Variants in RAB38 observed in about 807,000 individuals in gnomAD.
The protein encoded by RAB38 is RAB38, member RAS oncogene family, also known as ras-related protein Rab-38.
Under a neutral mutation model 18.4 loss-of-function variants are expected in RAB38, and 15 were observed. That is an observed-to-expected ratio of 0.82 (90% CI 0.55 to 1.26). RAB38 has a LOEUF of 1.26. Among genes scored for constraint, RAB38 ranks in the 50% most tolerant of loss-of-function variants. The pLI, the probability that RAB38 is intolerant of heterozygous loss-of-function variation, is 0.00. For missense variants in RAB38, 294 were observed against 267.4 expected, an observed-to-expected ratio of 1.10 and a Z score of -0.69; for synonymous variants, 101 against 104.4, an observed-to-expected ratio of 0.97 and a Z score of 0.20.
At chr11:88,173,962 T>C in intron 1 of RAB38, 1 of 985,428 alleles carries the variant, frequency 1.0e-6, no homozygotes, top group Non-Finnish European at 1.2e-6. Flanking sequence ...GAGTTTCCAA[T>C]CAAATGCATC....
the RAB38 span, among the ~76,000 whole-genome samples, chr11:87,817,864 G>T: frequency 6.6e-6 from 1 of 152,096 alleles, no homozygotes; most frequent in Non-Finnish European, 1.5e-5. Flanking sequence ...GAGGCAAAAA[G>T]ATGAACTATT....
At chr11:88,049,427 G>A in the RAB38 span, among the ~76,000 whole-genome samples, 1 of 150,030 alleles carries the variant, frequency 6.7e-6, no homozygotes, top group African/African-American at 2.5e-5. Flanking sequence ...AGCACCTTGT[G>A]ACCCCCACCC....
the RAB38 span, among the ~76,000 whole-genome samples, chr11:88,042,558 T>G: frequency 2.0e-4 from 30 of 152,330 alleles, no homozygotes; most frequent in African/African-American, 7.0e-4. Flanking sequence ...GCACAGTGCC[T>G]GGGGAAGCCA....
At chr11:88,045,307 G>T in the RAB38 span, among the ~76,000 whole-genome samples, 1 of 152,150 alleles carries the variant, frequency 6.6e-6, no homozygotes, top group Non-Finnish European at 1.5e-5. Flanking sequence ...CAATGTTAGG[G>T]TAGAGGCAGC....
At chr11:88,111,131 T>G (rs1165848763), downstream of RAB38, among the ~76,000 whole-genome samples, 1 of 152,216 alleles carries the variant, frequency 6.6e-6, no homozygotes, top group Non-Finnish European at 1.5e-5. Flanking sequence ...ACCAAACTGC[T>G]TCTAATCAAG....
At chr11:87,966,462 G>A in the RAB38 span, among the ~76,000 whole-genome samples, 1 of 152,142 alleles carries the variant, frequency 6.6e-6, no homozygotes, top group Non-Finnish European at 1.5e-5. Flanking sequence ...TAGGGAAAAT[G>A]CATCTCCATT....
intron 1 of RAB38, chr11:88,173,544 T>A: frequency 1.0e-6 from 1 of 985,422 alleles, no homozygotes; most frequent in Non-Finnish European, 1.2e-6. Context: ...TCTACAGACA[T>A]AGAACTTCTC....
chr11:87,893,390 ATTT>A, the RAB38 span, among the ~76,000 whole-genome samples: 1 of 93,916 alleles, frequency 1.1e-5, no homozygotes, highest in Admixed American at 1.5e-4. Flanking sequence ...ATATATATAT[ATTT>A]TTTTTTTACA....
At chr11:87,873,922 G>GTATATACATATATA in the RAB38 span, among the ~76,000 whole-genome samples, 2 of 103,122 alleles carry the variant, frequency 1.9e-5, no homozygotes, top group Non-Finnish European at 3.8e-5. Context: ...GTGTGTGTGT[G>GTATATACATATATA]TATATATATA....
the RAB38 span, among the ~76,000 whole-genome samples, chr11:87,944,665 A>G: frequency 6.6e-6 from 1 of 152,134 alleles, no homozygotes; most frequent in African/African-American, 2.4e-5. Context: ...TATCTTAAAC[A>G]GTCTTTTCTA....
At chr11:88,127,556 A>G (rs1159570311) in intron 2 of RAB38, among the ~76,000 whole-genome samples, 1 of 152,154 alleles carries the variant, frequency 6.6e-6, no homozygotes, top group Non-Finnish European at 1.5e-5. Context: ...AACCAATTTT[A>G]TATTACCCTG....
the RAB38 span, among the ~76,000 whole-genome samples, chr11:87,915,894 G>C: frequency 6.6e-6 from 1 of 152,092 alleles, no homozygotes; most frequent in African/African-American, 2.4e-5. Context: ...CACCAAGGAT[G>C]TGGGACGTGG....
At chr11:88,119,793 G>C (rs954637339) in intron 2 of RAB38, among the ~76,000 whole-genome samples, 6 of 151,744 alleles carry the variant, frequency 4.0e-5, no homozygotes, top group African/African-American at 1.5e-4. Flanking sequence ...AACTGTACCC[G>C]AGACTCCAAG....
At chr11:87,846,911 T>G in the RAB38 span, among the ~76,000 whole-genome samples, 1 of 152,052 alleles carries the variant, frequency 6.6e-6, no homozygotes, top group Non-Finnish European at 1.5e-5. Context: ...AAATAAAAAT[T>G]GTACACATAA....
the RAB38 span, among the ~76,000 whole-genome samples, chr11:87,891,325 G>C: frequency 4.7e-5 from 7 of 150,108 alleles, no homozygotes; most frequent in African/African-American, 7.5e-5. Flanking sequence ...AAAAAATATA[G>C]ATATAATCCC....
the RAB38 span, among the ~76,000 whole-genome samples, chr11:87,845,760 A>G: frequency 2.0e-5 from 3 of 152,160 alleles, no homozygotes; most frequent in Non-Finnish European, 4.4e-5. Context: ...GCTCAATTCA[A>G]ACATAAAAAA....
At chr11:88,156,943 C>T (rs1470508405) in intron 1 of RAB38, among the ~76,000 whole-genome samples, 1 of 152,142 alleles carries the variant, frequency 6.6e-6, no homozygotes, top group African/African-American at 2.4e-5. Flanking sequence ...ACTTATATTT[C>T]AAAGCAAACT....
At chr11:87,909,093 A>G in the RAB38 span, among the ~76,000 whole-genome samples, 9,285 of 152,066 alleles carry the variant, frequency 0.061, 376 homozygotes, top group Non-Finnish European at 0.089. Flanking sequence ...CTCTACCATT[A>G]TATGCCTCTT....
chr11:88,166,347 A>G (rs1294521278), intron 1 of RAB38: 2 of 152,166 alleles, frequency 1.3e-5, no homozygotes, highest in Admixed American at 6.5e-5. Flanking sequence ...GATCATCATT[A>G]TAACTCAATG....
Sources: allele counts gnomAD v4.1 joint callset (sites outside exome capture counted in the v4.1 genomes callset), GRCh38; gene constraint gnomAD v4.1.1; transcripts MANE v1.5; gene names NCBI Gene and HGNC (gene_info 2026-07-23, HGNC 2026-07-21).